Variants in HIP1 observed in about 807,000 individuals in gnomAD.
The protein encoded by HIP1 is huntingtin interacting protein 1.
HIP1 carries 65 observed loss-of-function variants against 147.6 expected under a neutral mutation model. The observed-to-expected ratio is 0.44, with a 90% confidence interval of 0.36 to 0.54. HIP1 has a LOEUF of 0.54. HIP1 is among the 20% of genes least tolerant of loss of function. The probability of loss-of-function intolerance (pLI) is 0.00; values close to 1 mark genes in which losing one functional copy is unlikely to be tolerated. For missense variants in HIP1, 1,061 were observed against 1,299.6 expected (o/e 0.82, Z 2.82); for synonymous variants, 479 against 504.0 (o/e 0.95, Z 0.67).
chr7:75,605,683 A>C (rs1361771547), intron 1 of HIP1, among the ~76,000 whole-genome samples: 1 of 151,986 alleles, frequency 6.6e-6, no homozygotes, highest in Non-Finnish European at 1.5e-5. Context: ...TAATAGTTGC[A>C]CATTACCACG....
At chr7:75,707,794 C>T (rs1410592751) in intron 1 of HIP1, among the ~76,000 whole-genome samples, 4 of 132,792 alleles carry the variant, frequency 3.0e-5, no homozygotes, top group African/African-American at 6.0e-5. Context: ...GAAATAATGC[C>T]GCATATCTAC....
At chr7:75,622,851 A>ATCTG (rs1797892440) in intron 1 of HIP1, among the ~76,000 whole-genome samples, 1 of 29,778 alleles carries the variant, frequency 3.4e-5, no homozygotes, top group Non-Finnish European at 5.7e-5. Flanking sequence ...ATAAATAATT[A>ATCTG]TCTATCTATC....
At chr7:75,661,137 G>C (rs148696643) in intron 1 of HIP1, among the ~76,000 whole-genome samples, 46 of 152,120 alleles carry the variant, frequency 3.0e-4, no homozygotes, top group African/African-American at 1.1e-3. Flanking sequence ...AAATTAGGTG[G>C]TGTGGGGATG....
intron 1 of HIP1, among the ~76,000 whole-genome samples, chr7:75,638,562 A>G (rs557325072): frequency 1.3e-5 from 2 of 152,272 alleles, no homozygotes; most frequent in African/African-American, 4.8e-5. Flanking sequence ...CAAGGGCTCC[A>G]TTCCTGCCCC....
chr7:75,635,688 T>C (rs1308672560), intron 1 of HIP1, among the ~76,000 whole-genome samples: 1 of 151,784 alleles, frequency 6.6e-6, no homozygotes, highest in African/African-American at 2.4e-5. Context: ...ATGTTCATGA[T>C]ACAGATGAGG....
chr7:75,607,472 G>A (rs1277732182), intron 1 of HIP1, among the ~76,000 whole-genome samples: 8 of 145,988 alleles, frequency 5.5e-5, no homozygotes, highest in African/African-American at 7.6e-5. Flanking sequence ...CAGGTGATCC[G>A]CCCATCTTGG....
intron 1 of HIP1, among the ~76,000 whole-genome samples, chr7:75,726,315 G>A (rs1167716928): frequency 2.0e-5 from 3 of 148,164 alleles, no homozygotes; most frequent in East Asian, 2.0e-4. Flanking sequence ...ACGGAGTCTC[G>A]CTCTGTCTCC....
At chr7:75,576,811 A>G (rs2116903846) in intron 7 of HIP1, among the ~76,000 whole-genome samples, 1 of 152,342 alleles carries the variant, frequency 6.6e-6, no homozygotes, top group East Asian at 1.9e-4. Flanking sequence ...TTTAGCACAC[A>G]TCAGAATCAC....
chr7:75,643,931 C>T (rs1357227801), intron 1 of HIP1, among the ~76,000 whole-genome samples: 1 of 152,066 alleles, frequency 6.6e-6, no homozygotes, highest in African/African-American at 2.4e-5. Context: ...CCCTGGGAGG[C>T]GGAGGTTGCA....
chr7:75,678,544 A>C (rs932601235), intron 1 of HIP1, among the ~76,000 whole-genome samples: 3 of 152,174 alleles, frequency 2.0e-5, no homozygotes, highest in African/African-American at 7.2e-5. Flanking sequence ...GGATTTTGCC[A>C]TGTTGGCCAG....
chr7:75,602,303 C>CTTTT (rs67019261), intron 1 of HIP1, among the ~76,000 whole-genome samples: 8 of 77,266 alleles, frequency 1.0e-4, no homozygotes, highest in African/African-American at 2.2e-4. Flanking sequence ...ACCTGGCCAG[C>CTTTT]TTTTTTTTTT....
At chr7:75,596,235 C>CAAAAAAAA (rs10658504) in intron 2 of HIP1, among the ~76,000 whole-genome samples, 2 of 59,598 alleles carry the variant, frequency 3.4e-5, no homozygotes, top group Non-Finnish European at 6.3e-5. Context: ...GACCCTGCCT[C>CAAAAAAAA]AAAAAAAAAA....
chr7:75,591,799 A>G (rs1369480994), intron 4 of HIP1, among the ~76,000 whole-genome samples: 1 of 151,536 alleles, frequency 6.6e-6, no homozygotes, highest in Admixed American at 6.6e-5. Context: ...CAGCTTTGTG[A>G]CATGAGTTTA....
chr7:75,604,790 T>A (rs2117031397), intron 1 of HIP1, among the ~76,000 whole-genome samples: 1 of 152,272 alleles, frequency 6.6e-6, no homozygotes, highest in South Asian at 2.1e-4. Flanking sequence ...ACCCTAAAAA[T>A]AACTGTTCCT....
At chr7:75,545,643 A>T (rs1794531222) in intron 25 of HIP1, among the ~76,000 whole-genome samples, 2 of 151,432 alleles carry the variant, frequency 1.3e-5, no homozygotes, top group African/African-American at 4.9e-5. Flanking sequence ...TTCTGTCTCA[A>T]ACAAAACAAA....
chr7:75,737,120 CTCAGTGTGT>C (rs1554523785), intron 1 of HIP1, among the ~76,000 whole-genome samples: 1 of 152,104 alleles, frequency 6.6e-6, no homozygotes, highest in Non-Finnish European at 1.5e-5. Flanking sequence ...GAGGCGGGAT[CTCAGTGTGT>C]TGTCTAGGCA....
chr7:75,687,041 G>C (rs1205862134), intron 1 of HIP1, among the ~76,000 whole-genome samples: 1 of 151,974 alleles, frequency 6.6e-6, no homozygotes. Context: ...GAGCATTTCT[G>C]GTATTTGTGG....
chr7:75,604,666 T>C (rs1797147659), intron 1 of HIP1, among the ~76,000 whole-genome samples: 1 of 136,786 alleles, frequency 7.3e-6, no homozygotes, highest in Non-Finnish European at 1.5e-5. Context: ...GACCTTGTCT[T>C]AGAAAAGAAG....
intron 1 of HIP1, among the ~76,000 whole-genome samples, chr7:75,664,607 G>A (rs1050963198): frequency 1.3e-5 from 2 of 148,224 alleles, no homozygotes; most frequent in Non-Finnish European, 1.5e-5. Context: ...GAGAGAGAGA[G>A]AGAGAGAGAG....
Sources: gnomAD v4.1 joint callset for allele counts (sites outside exome capture counted in the v4.1 genomes callset) on GRCh38, gnomAD v4.1.1 for gene constraint, MANE v1.5 for transcripts, NCBI Gene and HGNC (gene_info 2026-07-23, HGNC 2026-07-21) for gene names.